ADD2: variants seen among roughly 807,000 people sequenced by gnomAD.
ADD2 encodes the protein beta-adducin.
A neutral mutation model predicts 83.0 loss-of-function variants in ADD2; 23 were observed. The ratio of observed to expected loss-of-function variants is 0.28; its 90% CI spans 0.20 to 0.39. The LOEUF (loss-of-function observed/expected upper bound fraction) is 0.39. Among genes scored for constraint, ADD2 ranks in the 10% least tolerant of loss-of-function variants. ADD2 has a pLI of 1.00. For missense variants in ADD2, 758 were observed against 944.9 expected, an observed-to-expected ratio of 0.80 and a Z score of 2.59; for synonymous variants, 375 against 375.4, an observed-to-expected ratio of 1.00 and a Z score of 0.01.
chr2:70,730,364 G>A (rs1315705479), intron 1 of ADD2, among the ~76,000 whole-genome samples: 4 of 152,136 alleles, frequency 2.6e-5, no homozygotes, highest in South Asian at 2.1e-4. Context: ...TGGGCCTATG[G>A]GCCAAAATTA....
intron 1 of ADD2, among the ~76,000 whole-genome samples, chr2:70,714,293 C>A (rs1672350911): frequency 6.6e-6 from 1 of 152,180 alleles, no homozygotes; most frequent in African/African-American, 2.4e-5. Context: ...CCCCACCCTA[C>A]CGCCACCTGC....
chr2:70,715,412 C>A (rs904485991), intron 1 of ADD2, among the ~76,000 whole-genome samples: 2 of 152,192 alleles, frequency 1.3e-5, no homozygotes, highest in Non-Finnish European at 2.9e-5. Flanking sequence ...CAGCTTCCAG[C>A]CCCCACATCC....
chr2:70,762,871 A>G (rs1339506412), intron 1 of ADD2, among the ~76,000 whole-genome samples: 2 of 151,510 alleles, frequency 1.3e-5, no homozygotes, highest in African/African-American at 4.9e-5. Flanking sequence ...ACACCCAGCT[A>G]ATTTTTGTAT....
intron 1 of ADD2, among the ~76,000 whole-genome samples, chr2:70,742,019 A>C (rs1368221470): frequency 2.6e-5 from 4 of 152,212 alleles, no homozygotes; most frequent in Admixed American, 2.6e-4. Context: ...AGAACCTGGA[A>C]GTTTCCAAGA....
intron 3 of ADD2, among the ~76,000 whole-genome samples, chr2:70,705,644 G>A (rs1553374272): frequency 1.3e-5 from 2 of 152,150 alleles, no homozygotes; most frequent in South Asian, 4.1e-4. Flanking sequence ...ATGCCAGGCA[G>A]GAACCAACTG....
intron 1 of ADD2, among the ~76,000 whole-genome samples, chr2:70,742,281 T>C (rs1339963125): frequency 3.3e-5 from 5 of 152,160 alleles, no homozygotes; most frequent in Non-Finnish European, 5.9e-5. Context: ...TAAAACCCAT[T>C]TGTGTCTGCT....
At position 70,670,823 on chromosome 2, in the gene ADD2, C is replaced by T. The variant is rs140194691; in HGVS notation, c.1870+2055G>A. 1.1e-3 allele frequency among the ~76,000 whole-genome samples: 172 copies of T among 152,280 alleles called. 1 individual carries two copies. Among genetic ancestry groups the T allele is most frequent in the African/African-American group, 3.9e-3 (163 of 41,566 alleles). On this transcript the variant is annotated intron_variant, in intron 15 of 15. Transcript: ENST00000264436. ...CCCACCCAACTACAGCTTGTGTCCTCGTCATGCAGGGTCTGCTCCAAGGTG... is the reference window on the plus strand; with the variant it reads ...CCCACCCAACTACAGCTTGTGTCCTTGTCATGCAGGGTCTGCTCCAAGGTG...
Position 70,663,809 on chromosome 2 carries a change from C to T in ADD2, c.1871-74G>A. 2.8e-6 allele frequency: 4 copies of T among 1,449,732 alleles called. No homozygotes were observed. The South Asian group carries it at 3.9e-5, about 14-fold the overall frequency. 89.8% of individuals were successfully genotyped at this position (1,449,732 alleles called of 1,614,324 possible). A position where few individuals can be genotyped will look rare whatever the true frequency, so the allele number is the denominator to read the frequency against. ...AGCTTCCACCTGGGGCTAACAGAAC[C>T]ATTTCTAGGGAATTCTATAAAATCA... On this transcript the variant is annotated intron_variant, in intron 15 of 15. Coordinates refer to ENST00000264436, the MANE Select transcript of ADD2 (RefSeq NM_001617.4).
At chr2:70,688,649 C>A (rs1185630319) in intron 8 of ADD2, among the ~76,000 whole-genome samples, 5 of 152,178 alleles carry the variant, frequency 3.3e-5, no homozygotes, top group Non-Finnish European at 7.3e-5. Flanking sequence ...CCTACAGAAA[C>A]AGGTGAGTCA....
chr2:70,668,578 T>C (rs561163189), intron 15 of ADD2, among the ~76,000 whole-genome samples: 1 of 152,340 alleles, frequency 6.6e-6, no homozygotes, highest in South Asian at 2.1e-4. Context: ...TGCAGCTCAG[T>C]GACAACATGT....
intron 14 of ADD2, 42 bp downstream of exon 14, chr2:70,674,636 C>A (rs782123875): frequency 1.3e-6 from 2 of 1,594,586 alleles, no homozygotes; most frequent in South Asian, 2.3e-5. Flanking sequence ...CCCCTCCACC[C>A]TGGGGGACTT....
At chr2:70,685,683 C>G (rs527793823) in intron 9 of ADD2, among the ~76,000 whole-genome samples, 12 of 152,312 alleles carry the variant, frequency 7.9e-5, no homozygotes, top group African/African-American at 2.4e-4. Context: ...TAGTGTATCA[C>G]CTGGTACATA....
chr2:70,694,808 C>T (rs1050238464), intron 6 of ADD2, among the ~76,000 whole-genome samples: 3 of 152,090 alleles, frequency 2.0e-5, no homozygotes, highest in Admixed American at 2.0e-4. Flanking sequence ...TCCTTCACCT[C>T]TACTGGAACA....
At chr2:70,709,691 C>T (rs1210286876) in intron 2 of ADD2, among the ~76,000 whole-genome samples, 9 of 152,166 alleles carry the variant, frequency 5.9e-5, no homozygotes, top group Non-Finnish European at 1.3e-4. Flanking sequence ...GTAATAAAGG[C>T]GGAAGCATGG....
At chr2:70,692,187 G>A (rs1553371771) in intron 7 of ADD2, among the ~76,000 whole-genome samples, 1 of 152,218 alleles carries the variant, frequency 6.6e-6, no homozygotes, top group African/African-American at 2.4e-5. Context: ...TGCAGTATGT[G>A]GGGGATGCGA....
chr2:70,692,751 G>A (rs975940506), intron 6 of ADD2, among the ~76,000 whole-genome samples, 199 bp from the exon 7 acceptor site: 3 of 152,234 alleles, frequency 2.0e-5, no homozygotes, highest in Admixed American at 6.5e-5. Flanking sequence ...GGACACAGAC[G>A]ATTATAATTC....
intron 4 of ADD2, 58 bp downstream of exon 4, chr2:70,704,263 T>TGCCCCCCCCCCCCCCCCCCCCACCAAC: frequency 1.1e-6 from 1 of 913,238 alleles, no homozygotes; most frequent in Non-Finnish European, 1.7e-6. Flanking sequence ...CTCCCTCTCT[T>TGCCCCCCCCCCCCCCCCCCCCACCAAC]CCCCACCCCA....
intron 1 of ADD2, among the ~76,000 whole-genome samples, chr2:70,731,494 T>G (rs1211221086): frequency 6.6e-6 from 1 of 152,202 alleles, no homozygotes; most frequent in Non-Finnish European, 1.5e-5. Flanking sequence ...CACCTGTCAC[T>G]AGACTGGAAG....
chr2:70,751,511 A>C (rs1169696864), intron 1 of ADD2, among the ~76,000 whole-genome samples: 1 of 152,350 alleles, frequency 6.6e-6, no homozygotes, highest in East Asian at 1.9e-4. Context: ...ACTAGGACAA[A>C]AATGAATGTA....
Sources: gnomAD v4.1 joint callset for allele counts (sites outside exome capture counted in the v4.1 genomes callset) on GRCh38, gnomAD v4.1.1 for gene constraint, MANE v1.5 for transcripts, NCBI Gene and HGNC (gene_info 2026-07-23, HGNC 2026-07-21) for gene names.